The following PRKN variants were observed in gnomAD, a reference collection of about 807,000 sequenced individuals.
PRKN encodes E3 ubiquitin-protein ligase parkin.
In PRKN, 56 loss-of-function variants were observed where a neutral mutation model predicts 59.5. The observed-to-expected ratio is 0.94, with a 90% CI of 0.76 to 1.18. The LOEUF is 1.18. Among genes scored for constraint, PRKN ranks in the 50% most tolerant of loss-of-function variants. The pLI is 0.00. For synonymous variants in PRKN, 250 were observed against 222.1 expected (o/e 1.13, Z -1.12); for missense variants, 657 against 596.4 (o/e 1.10, Z -1.06).
At chr6:162,305,039 T>C (rs905398384) in intron 2 of PRKN, among the ~76,000 whole-genome samples, 1 of 152,110 alleles carries the variant, frequency 6.6e-6, no homozygotes, top group Non-Finnish European at 1.5e-5. Context: ...CAAAGCCAAC[T>C]AGAGATACCT....
In PRKN at chr6:161,419,957, G is replaced by C. The variant is rs1256015664; in HGVS notation, c.1084-33080C>G. The stretch of plus-strand genomic sequence containing the variant: ...AGGCACTTGTTTAAGAACTTGATAA[G>C]GCTGGGCGTGGTGGCTCACGCCTGT... On this transcript the variant is annotated intron_variant, in intron 9 of 11. Transcript: ENST00000366898. This position sits in a 1 kb window ranked among gnomAD's most constrained non-coding sequence, Gnocchi z 4.1. 6.6e-6 allele frequency among the ~76,000 whole-genome samples: 1 copy of C among 152,024 alleles called. No individual in the cohort carries two copies. The highest frequency in any genetic ancestry group is 2.4e-5 in the African/African-American group (1 of 41,424).
At chr6:162,281,330 G>A (rs1454015840) in intron 2 of PRKN, among the ~76,000 whole-genome samples, 2 of 151,914 alleles carry the variant, frequency 1.3e-5, no homozygotes, top group Admixed American at 6.6e-5. Flanking sequence ...ATGAGCTGAC[G>A]GGTGCAGCAA....
intron 10 of PRKN, among the ~76,000 whole-genome samples, chr6:161,365,387 C>G (rs981362162): frequency 6.6e-6 from 1 of 152,062 alleles, no homozygotes; most frequent in Non-Finnish European, 1.5e-5. Flanking sequence ...ACACCTAAAG[C>G]CTTTGTTACA....
At chr6:161,762,377 C>T (rs1186720186) in intron 7 of PRKN, among the ~76,000 whole-genome samples, 1 of 152,148 alleles carries the variant, frequency 6.6e-6, no homozygotes, top group Non-Finnish European at 1.5e-5. Flanking sequence ...ACCAAAAAGA[C>T]AGATGCACTA....
rs137890553 is a variant in PRKN, at chr6:162,426,663, T to A, written c.171+16647A>T. Among the ~76,000 whole-genome samples, 769 of 152,258 alleles carry A rather than the reference T, an allele frequency of 5.1e-3. 2 individuals are homozygous for A. Among genetic ancestry groups the A allele is most frequent in the Middle Eastern group, 0.014 (4 of 294 alleles). On this transcript the variant is annotated intron_variant, in intron 2 of 11. Transcript: ENST00000366898. The stretch of plus-strand genomic sequence containing the variant: ...GGTTTCACCATGTTGCCCAGGCTGG[T>A]GTTAAACTCCTGAGCTCAAGGGATC...
intron 7 of PRKN, among the ~76,000 whole-genome samples, chr6:161,742,255 C>A (rs1186452778): frequency 6.6e-6 from 1 of 152,190 alleles, no homozygotes; most frequent in Non-Finnish European, 1.5e-5. Context: ...CAGGCATGAG[C>A]CACTGCGCCC....
Position 161,484,710 on chromosome 6 carries a change from G to A in PRKN, c.1083+64144C>T, listed in dbSNP as rs1455395323. Among the ~76,000 whole-genome samples the A allele has an allele frequency of 6.6e-6, 1 of 152,148 alleles. No homozygotes were observed. Among genetic ancestry groups the A allele is most frequent in the Non-Finnish European group, 1.5e-5 (1 of 68,026 alleles). On this transcript the variant is annotated intron_variant, in intron 9 of 11. Coordinates refer to ENST00000366898, the MANE Select transcript of PRKN (RefSeq NM_004562.3). The surrounding 1 kb of genome is among the most constrained non-coding windows in gnomAD (Gnocchi z 4.9). The stretch of plus-strand genomic sequence containing the variant: ...CGTTGTGGGCACTGCATGGTGTTTG[G>A]CACCATCCCTGCCTCTACCCGCTAG...
intron 7 of PRKN, among the ~76,000 whole-genome samples, chr6:161,780,595 T>C (rs942449906): frequency 1.3e-5 from 2 of 152,140 alleles, no homozygotes; most frequent in African/African-American, 4.8e-5. Context: ...TTAAAACAGA[T>C]AGGTGACTTA....
chr6:162,195,209 C>T (rs1247178894), intron 4 of PRKN, among the ~76,000 whole-genome samples: 1 of 152,176 alleles, frequency 6.6e-6, no homozygotes, highest in Non-Finnish European at 1.5e-5. Flanking sequence ...CTGTCAATAA[C>T]ATAAAATAAT....
At chr6:161,818,263 C>T (rs764448163) in intron 6 of PRKN, among the ~76,000 whole-genome samples, 2 of 151,974 alleles carry the variant, frequency 1.3e-5, no homozygotes, top group Admixed American at 6.6e-5. Flanking sequence ...AGACTCAGTC[C>T]TACTATCCTG....
intron 6 of PRKN, among the ~76,000 whole-genome samples, chr6:161,865,250 T>C (rs1398453371): frequency 1.1e-4 from 16 of 152,202 alleles, no homozygotes; most frequent in African/African-American, 2.4e-4. Context: ...TGTAAACAGA[T>C]GTACTGTAAT....
At chr6:162,005,297 A>G (rs13193304) in intron 5 of PRKN, among the ~76,000 whole-genome samples, 1 of 152,226 alleles carries the variant, frequency 6.6e-6, no homozygotes, top group African/African-American at 2.4e-5. Flanking sequence ...AATATAGAAT[A>G]CCAGGAAAGT....
chr6:162,439,738 A>G (rs1374494224), intron 2 of PRKN, among the ~76,000 whole-genome samples: 1 of 152,154 alleles, frequency 6.6e-6, no homozygotes, highest in Non-Finnish European at 1.5e-5. Flanking sequence ...GAAAATCTTG[A>G]TGATCCACTT....
chr6:162,500,680 A>G (rs1251115644), intron 1 of PRKN, among the ~76,000 whole-genome samples: 1 of 152,236 alleles, frequency 6.6e-6, no homozygotes, highest in African/African-American at 2.4e-5. Context: ...TAAATAAGGC[A>G]TGCTAACAAA....
At chr6:161,993,856 A>G (rs973925091) in intron 5 of PRKN, among the ~76,000 whole-genome samples, 5 of 152,180 alleles carry the variant, frequency 3.3e-5, no homozygotes, top group Admixed American at 2.6e-4. Context: ...ATGTGCAGAG[A>G]TCATGTGACA....
chr6:161,508,153 G>A (rs894190442), intron 9 of PRKN, among the ~76,000 whole-genome samples: 1 of 152,156 alleles, frequency 6.6e-6, no homozygotes, highest in African/African-American at 2.4e-5. Context: ...AGAAATGATT[G>A]CATGAATAGC....
intron 6 of PRKN, among the ~76,000 whole-genome samples, chr6:161,961,669 C>T (rs550315345): frequency 1.3e-5 from 2 of 152,202 alleles, no homozygotes; most frequent in South Asian, 2.1e-4. Context: ...TCCCTGCCAT[C>T]GACAGAAATG....
intron 7 of PRKN, among the ~76,000 whole-genome samples, chr6:161,712,869 G>A (rs1279957199): frequency 6.6e-6 from 1 of 152,144 alleles, no homozygotes; most frequent in Non-Finnish European, 1.5e-5. Context: ...ACCAGATGGT[G>A]GTGGGGGGGA....
At chr6:162,506,458 CTTATT>C (rs929736437) in intron 1 of PRKN, among the ~76,000 whole-genome samples, 12 of 152,148 alleles carry the variant, frequency 7.9e-5, no homozygotes, top group African/African-American at 2.9e-4. Context: ...CCCTGAAATG[CTTATT>C]TTATAAGAGA....
Sources: gnomAD v4.1 joint callset for allele counts (sites outside exome capture counted in the v4.1 genomes callset) on GRCh38, gnomAD v4.1.1 for gene constraint, Gnocchi (gnomAD v3.1) non-coding constraint, MANE v1.5 for transcripts, NCBI Gene and HGNC (gene_info 2026-07-23, HGNC 2026-07-21) for gene names.